The following CNTNAP2 variants were observed in gnomAD, a reference collection of about 807,000 sequenced individuals.
CNTNAP2 encodes the protein contactin associated protein 2.
CNTNAP2 carries 98 observed loss-of-function variants against 155.2 expected under a neutral mutation model. The ratio of observed to expected loss-of-function variants is 0.63; its 90% confidence interval spans 0.54 to 0.75. CNTNAP2 has a LOEUF of 0.75. Ranked by LOEUF, CNTNAP2 falls within the 30% of genes least tolerant of loss-of-function variation. CNTNAP2 has a pLI of 0.00. For synonymous variants in CNTNAP2, 651 were observed against 631.2 expected, an observed-to-expected ratio of 1.03 and a Z score of -0.47; for missense variants, 1,727 against 1,688.1, an observed-to-expected ratio of 1.02 and a Z score of -0.40.
intron 5 of CNTNAP2, among the ~76,000 whole-genome samples, chr7:147,111,755 T>C (rs1190068278): frequency 4.6e-5 from 7 of 152,196 alleles, no homozygotes; most frequent in Admixed American, 4.6e-4. Flanking sequence ...ACCATGCTGT[T>C]TTGGTTACAG....
chr7:147,037,902 C>A (rs1301598517), intron 3 of CNTNAP2, among the ~76,000 whole-genome samples: 1 of 152,212 alleles, frequency 6.6e-6, no homozygotes, highest in East Asian at 1.9e-4. Flanking sequence ...GCTTTGTAAT[C>A]AAGACAATCA....
At chr7:147,822,511 T>C (rs186392494) in intron 13 of CNTNAP2, among the ~76,000 whole-genome samples, 18 of 152,268 alleles carry the variant, frequency 1.2e-4, no homozygotes, top group Admixed American at 9.8e-4. Context: ...TAATCTGACT[T>C]CTAGATATAT....
At chr7:147,318,202 G>A (rs1795272566) in intron 9 of CNTNAP2, among the ~76,000 whole-genome samples, 1 of 152,160 alleles carries the variant, frequency 6.6e-6, no homozygotes, top group African/African-American at 2.4e-5. Context: ...AGCACTTTGA[G>A]AAGCTGAGGT....
At position 146,150,510 on chromosome 7, in the gene CNTNAP2, T is replaced by A. The variant is rs139095575; in HGVS notation, c.97+33537T>A. 7.8e-4 allele frequency among the ~76,000 whole-genome samples: 118 copies of A among 152,218 alleles called. 2 individuals carry two copies. In the East Asian group the frequency reaches 0.019, roughly 25 times the overall value. The stretch of plus-strand genomic sequence containing the variant: ...TATTGCCTAACATTATTTTTATATA[T>A]AAAGGTTACAGATTTTTTATATTAA... On this transcript the variant is annotated intron_variant, in intron 1 of 23. Coordinates refer to ENST00000361727, the MANE Select transcript of CNTNAP2 (RefSeq NM_014141.6).
At chr7:146,581,716 CA>C (rs1193823912) in intron 1 of CNTNAP2, among the ~76,000 whole-genome samples, 3 of 151,038 alleles carry the variant, frequency 2.0e-5, no homozygotes, top group Non-Finnish European at 4.4e-5. Flanking sequence ...AGACATTTTT[CA>C]TATAAAATTA....
chr7:147,568,828 A>G (rs931537915), intron 12 of CNTNAP2, among the ~76,000 whole-genome samples: 1 of 152,144 alleles, frequency 6.6e-6, no homozygotes, highest in Non-Finnish European at 1.5e-5. Flanking sequence ...TAGATGATTA[A>G]TAGTAACAAT....
At chr7:147,516,902 C>T (rs1334156627) in intron 11 of CNTNAP2, among the ~76,000 whole-genome samples, 2 of 144,302 alleles carry the variant, frequency 1.4e-5, no homozygotes, top group African/African-American at 5.3e-5. Flanking sequence ...TCGCTCTGTG[C>T]CCAGGATGCA....
chr7:148,256,456 A>G (rs1173563780), intron 20 of CNTNAP2, among the ~76,000 whole-genome samples: 3 of 152,156 alleles, frequency 2.0e-5, no homozygotes, highest in Admixed American at 6.5e-5. Context: ...CACGTGGCAG[A>G]GCCAGGGCCC....
chr7:147,940,197 G>A (rs1800692633), intron 14 of CNTNAP2: 1 of 150,426 alleles, frequency 6.6e-6, no homozygotes, highest in Admixed American at 6.7e-5. Flanking sequence ...ACCAAGCCAA[G>A]TGAGAAACGG....
intron 21 of CNTNAP2, among the ~76,000 whole-genome samples, chr7:148,285,515 A>G (rs943388679): frequency 4.6e-5 from 7 of 152,264 alleles, no homozygotes; most frequent in African/African-American, 1.7e-4. Flanking sequence ...TACAGTAACT[A>G]GACAGGTACT....
intron 16 of CNTNAP2, among the ~76,000 whole-genome samples, chr7:148,136,127 G>A (rs1207812564): frequency 7.6e-6 from 1 of 131,502 alleles, no homozygotes; most frequent in Non-Finnish European, 1.6e-5. Context: ...GGAGGGAAGG[G>A]AGGGAGGGAG....
intron 12 of CNTNAP2, among the ~76,000 whole-genome samples, chr7:147,581,001 T>C (rs1800489960): frequency 6.6e-6 from 1 of 152,210 alleles, no homozygotes; most frequent in African/African-American, 2.4e-5. Context: ...AGTTCTAGAA[T>C]TTCTCCAACG....
At chr7:146,490,946 A>C (rs1469991531) in intron 1 of CNTNAP2, among the ~76,000 whole-genome samples, 1 of 152,184 alleles carries the variant, frequency 6.6e-6, no homozygotes, top group Non-Finnish European at 1.5e-5. Context: ...CAATTATGTA[A>C]TTATACCAAT....
chr7:146,435,690 T>C (rs1008247430), intron 1 of CNTNAP2, among the ~76,000 whole-genome samples: 1 of 152,214 alleles, frequency 6.6e-6, no homozygotes, highest in African/African-American at 2.4e-5. Flanking sequence ...AAAACGTGTG[T>C]ATGTCATGTA....
At chr7:146,413,524 A>C (rs1259511410) in intron 1 of CNTNAP2, among the ~76,000 whole-genome samples, 1 of 152,222 alleles carries the variant, frequency 6.6e-6, no homozygotes, top group Non-Finnish European at 1.5e-5. Context: ...GGGCAGGTTG[A>C]AAATAGCTTC....
intron 12 of CNTNAP2, among the ~76,000 whole-genome samples, chr7:147,592,270 T>TTGATACTCTAAAGC (rs1312748386): frequency 6.6e-6 from 1 of 152,172 alleles, no homozygotes; most frequent in African/African-American, 2.4e-5. Context: ...GTATATTATT[T>TTGATACTCTAAAGC]TGATACTCTA....
At chr7:148,109,639 C>A (rs1804301973) in intron 15 of CNTNAP2, among the ~76,000 whole-genome samples, 1 of 142,236 alleles carries the variant, frequency 7.0e-6, no homozygotes. Flanking sequence ...CCGCCTTGGC[C>A]TCCCAAAGTG....
chr7:147,502,718 T>C (rs1798838079), intron 11 of CNTNAP2, among the ~76,000 whole-genome samples: 2 of 82,160 alleles, frequency 2.4e-5, no homozygotes, highest in Admixed American at 1.2e-4. Context: ...CATTTCACAA[T>C]GTGTGTGTGT....
intron 1 of CNTNAP2, among the ~76,000 whole-genome samples, chr7:146,189,392 T>C (rs1798670427): frequency 6.6e-6 from 1 of 152,182 alleles, no homozygotes; most frequent in Admixed American, 6.6e-5. Context: ...TAAATAGGTT[T>C]CCGGTCCTAT....
Sources: allele counts gnomAD v4.1 joint callset (sites outside exome capture counted in the v4.1 genomes callset), GRCh38; gene constraint gnomAD v4.1.1; transcripts MANE v1.5; gene names NCBI Gene and HGNC (gene_info 2026-07-23, HGNC 2026-07-21).